RBFOX1: variants seen among roughly 807,000 people sequenced by gnomAD.
RBFOX1 encodes the protein RNA binding fox-1 homolog 1, also known as RNA binding protein fox-1 homolog 1.
Under a neutral mutation model 57.7 loss-of-function variants are expected in RBFOX1, and 8 were observed. The ratio of observed to expected loss-of-function variants is 0.14; its 90% CI spans 0.08 to 0.25. The LOEUF (loss-of-function observed/expected upper bound fraction) is 0.25. RBFOX1 is among the 10% of genes least tolerant of loss of function. The probability of loss-of-function intolerance (pLI) is 1.00; values close to 1 mark genes in which losing one functional copy is unlikely to be tolerated. For synonymous variants in RBFOX1, 326 were observed against 222.4 expected (o/e 1.47, Z -4.15); for missense variants, 611 against 548.5 (o/e 1.11, Z -1.14).
At chr16:5,987,314 A>G (rs1314718335) in intron 4 of RBFOX1, among the ~76,000 whole-genome samples, 3 of 151,962 alleles carry the variant, frequency 2.0e-5, no homozygotes, top group African/African-American at 7.3e-5. Flanking sequence ...GTTTACAAAT[A>G]TTTTCCCCCA....
rs1289081635 is a variant in RBFOX1 at position 5,652,855 on chromosome 16, G to T, written c.318+53894G>T. On this transcript the variant is annotated intron_variant, in intron 3 of 19. Coordinates refer to the RBFOX1 transcript ENST00000641259. ...AAGCTTTCCAGGTCACCAGCTAACT[G>T]CCAGGACTCAGGGGTCACTGTAGGT... 1.3e-5 allele frequency among the ~76,000 whole-genome samples: 2 copies of T among 152,222 alleles called. 1 individual carries two copies. Among genetic ancestry groups the T allele is most frequent in the South Asian group, 4.1e-4 (2 of 4,828 alleles).
intron 2 of RBFOX1, among the ~76,000 whole-genome samples, chr16:6,377,833 TC>T (rs1171164038): frequency 6.6e-6 from 1 of 152,110 alleles, no homozygotes; most frequent in Non-Finnish European, 1.5e-5. Context: ...GAATGAAGCT[TC>T]CCCAACGTGG....
chr16:5,424,987 TC>T lies in RBFOX1; in HGVS notation c.220-42228del, dbSNP rs1404981480. 3.3e-4 allele frequency among the ~76,000 whole-genome samples: 25 copies of T among 74,702 alleles called. 1 individual carries two copies. The East Asian group carries it at 9.2e-3, about 28-fold the overall frequency. The allele number at this position is 74,702 out of a possible 152,430, so 49.0% of individuals were successfully genotyped here. A position where few individuals can be genotyped will look rare whatever the true frequency, so the allele number is the denominator to read the frequency against. On this transcript the variant is annotated intron_variant, in intron 1 of 2. Transcript: ENST00000585867. ...TTCTCTTTCTTTCTTTCTTTTCTTT[TC>T]TTTTCTTTTCTTTTCTTTTCTTTTC...
At chr16:5,493,861 A>C (rs1034747984) in intron 2 of RBFOX1, among the ~76,000 whole-genome samples, 1 of 152,232 alleles carries the variant, frequency 6.6e-6, no homozygotes, top group African/African-American at 2.4e-5. Flanking sequence ...TGTTTCTGCA[A>C]CGGTAGCCAA....
chr16:7,609,307 G>C (rs890875228), intron 10 of RBFOX1, among the ~76,000 whole-genome samples: 8 of 152,176 alleles, frequency 5.3e-5, no homozygotes, highest in African/African-American at 1.9e-4. Context: ...TTCTGGTCCT[G>C]TGCGATGGAG....
chr16:7,574,079 T>C (rs980383718), intron 5 of RBFOX1, among the ~76,000 whole-genome samples: 1 of 152,156 alleles, frequency 6.6e-6, no homozygotes, highest in African/African-American at 2.4e-5. Flanking sequence ...GATGCTATAA[T>C]GACTTCTCAA....
At chr16:7,658,181 C>T (rs753325565) in intron 12 of RBFOX1, among the ~76,000 whole-genome samples, 2 of 152,130 alleles carry the variant, frequency 1.3e-5, no homozygotes, top group Non-Finnish European at 2.9e-5. Context: ...ATTAACCACC[C>T]ACAGTCTTCT....
At chr16:7,142,912 A>AT (rs35864335) in intron 4 of RBFOX1, among the ~76,000 whole-genome samples, 92,254 of 147,286 alleles carry the variant, frequency 0.63, 31,166 homozygotes, top group South Asian at 0.78. Context: ...TCTGCAGAGT[A>AT]TTTTTTTTTT....
At chr16:5,762,927 A>G (rs564950548) in intron 3 of RBFOX1, among the ~76,000 whole-genome samples, 1 of 152,212 alleles carries the variant, frequency 6.6e-6, no homozygotes, top group Non-Finnish European at 1.5e-5. Flanking sequence ...ATATACAGCA[A>G]TATGTGAAAA....
At chr16:6,292,712 G>A (rs555665070) in intron 1 of RBFOX1, among the ~76,000 whole-genome samples, 7 of 152,262 alleles carry the variant, frequency 4.6e-5, no homozygotes, top group African/African-American at 1.7e-4. Flanking sequence ...AAAAGTCATT[G>A]AACTATCTAT....
At chr16:6,921,772 T>C (rs993513685) in intron 3 of RBFOX1, among the ~76,000 whole-genome samples, 1 of 146,466 alleles carries the variant, frequency 6.8e-6, no homozygotes, top group Admixed American at 7.0e-5. Flanking sequence ...TATATGAAGA[T>C]GTATGTTGTA....
intron 5 of RBFOX1, among the ~76,000 whole-genome samples, chr16:7,551,008 C>A (rs141000157): frequency 3.4e-5 from 5 of 148,688 alleles, no homozygotes; most frequent in Admixed American, 1.4e-4. Flanking sequence ...GCGGGAAAAT[C>A]ACTTGAACCC....
At chr16:5,948,813 C>T (rs1301457742) in intron 4 of RBFOX1, among the ~76,000 whole-genome samples, 1 of 152,180 alleles carries the variant, frequency 6.6e-6, no homozygotes, top group Non-Finnish European at 1.5e-5. Flanking sequence ...GATTGTGTTA[C>T]TTTCTTACGG....
chr16:7,139,394 C>G (rs1251568183), intron 4 of RBFOX1, among the ~76,000 whole-genome samples: 3 of 152,148 alleles, frequency 2.0e-5, no homozygotes, highest in Admixed American at 6.5e-5. Context: ...CCTCCACTAA[C>G]TCTATTCCTT....
intron 1 of RBFOX1, among the ~76,000 whole-genome samples, chr16:6,148,673 C>T (rs2096776468): frequency 6.6e-6 from 1 of 152,160 alleles, no homozygotes. Context: ...AGGCAGGACA[C>T]AGTTAGCATG....
intron 3 of RBFOX1, among the ~76,000 whole-genome samples, chr16:5,835,006 C>T (rs2056414558): frequency 6.6e-6 from 1 of 152,206 alleles, no homozygotes; most frequent in South Asian, 2.1e-4. Context: ...CCTTACCCCA[C>T]TCACCATGGC....
At chr16:5,287,829 T>C (rs1212058878) in intron 1 of RBFOX1, among the ~76,000 whole-genome samples, 1 of 152,210 alleles carries the variant, frequency 6.6e-6, no homozygotes, top group African/African-American at 2.4e-5. Flanking sequence ...AGAAATATGC[T>C]CCGATTCTTC....
chr16:5,764,539 C>A (rs944409832), intron 3 of RBFOX1, among the ~76,000 whole-genome samples: 1 of 152,124 alleles, frequency 6.6e-6, no homozygotes, highest in African/African-American at 2.4e-5. Flanking sequence ...ACACAGCTTC[C>A]CTGATTTCTC....
rs150718687 is a variant in RBFOX1, at chr16:6,246,008, T to C, written c.-126-70987T>C. ...TTCTAAATGCTCTTTAACTTCAATG[T>C]CCCAGCTTTCTTAGAGGTCCTGTAT... On this transcript the variant is annotated intron_variant, in intron 1 of 15. Coordinates refer to ENST00000550418, the MANE Select transcript of RBFOX1 (RefSeq NM_018723.4). Among the ~76,000 whole-genome samples, 1,148 of 152,332 alleles carry C rather than the reference T, an allele frequency of 7.5e-3. 8 individuals are homozygous for C. Among genetic ancestry groups the C allele is most frequent in the African/African-American group, 0.024 (995 of 41,576 alleles).
Sources: gnomAD v4.1 joint callset for allele counts (sites outside exome capture counted in the v4.1 genomes callset) on GRCh38, gnomAD v4.1.1 for gene constraint, MANE v1.5 for transcripts, NCBI Gene and HGNC (gene_info 2026-07-23, HGNC 2026-07-21) for gene names.